The following ZCWPW2 variants were observed in gnomAD, a reference collection of about 807,000 sequenced individuals.
ZCWPW2 encodes zinc finger CW-type PWWP domain protein 2.
In ZCWPW2, 45 loss-of-function variants were observed where a neutral mutation model predicts 46.6. The observed-to-expected ratio is 0.96, with a 90% CI of 0.76 to 1.24. The LOEUF (loss-of-function observed/expected upper bound fraction) is 1.24. Ranked by LOEUF, ZCWPW2 falls within the 50% of genes most tolerant of loss-of-function variation. ZCWPW2 has a pLI of 0.00. For synonymous variants in ZCWPW2, 152 were observed against 137.1 expected, an observed-to-expected ratio of 1.11 and a Z score of -0.76; for missense variants, 429 against 403.9, an observed-to-expected ratio of 1.06 and a Z score of -0.53.
At chr3:28,385,538 T>C (rs10510610) in intron 1 of ZCWPW2, among the ~76,000 whole-genome samples, 35,083 of 152,088 alleles carry the variant, frequency 0.23, 4,305 homozygotes, top group Admixed American at 0.29. Flanking sequence ...AGCTTTAAGA[T>C]AGTGCAAGAT....
chr3:28,459,978 T>C (rs776862477), intron 4 of ZCWPW2, among the ~76,000 whole-genome samples: 33 of 152,194 alleles, frequency 2.2e-4, no homozygotes, highest in Non-Finnish European at 3.4e-4. Context: ...GTGATTTTTC[T>C]GATTGGTTCA....
chr3:28,402,380 A>C (rs950559042), intron 2 of ZCWPW2, among the ~76,000 whole-genome samples: 14 of 152,204 alleles, frequency 9.2e-5, no homozygotes, highest in African/African-American at 3.4e-4. Flanking sequence ...AATCAGGAAG[A>C]ATTAGATACC....
chr3:28,392,950 GA>G (rs202070830), intron 2 of ZCWPW2, among the ~76,000 whole-genome samples: 4 of 148,320 alleles, frequency 2.7e-5, no homozygotes, highest in East Asian at 2.0e-4. Context: ...GATTAGTGCA[GA>G]AAAAAAAATA....
At chr3:28,478,370 A>G (rs764203875) in intron 4 of ZCWPW2, 4 of 259,506 alleles carry the variant, frequency 1.5e-5, no homozygotes, top group South Asian at 1.4e-4. Flanking sequence ...CAGCCTCCCA[A>G]GTAGCTGGGA....
intron 6 of ZCWPW2, among the ~76,000 whole-genome samples, chr3:28,503,983 C>T (rs1020411691): frequency 2.0e-5 from 3 of 152,018 alleles, no homozygotes; most frequent in Admixed American, 2.0e-4. Context: ...ATCGCTTGAG[C>T]CCCGGAGTTC....
chr3:28,432,332 G>A (rs1463923010), intron 3 of ZCWPW2, among the ~76,000 whole-genome samples: 1 of 152,176 alleles, frequency 6.6e-6, no homozygotes, highest in African/African-American at 2.4e-5. Flanking sequence ...GAAAGGTAGA[G>A]GGGTACAGGA....
chr3:28,523,747 G>A (rs1700783043), intron 9 of ZCWPW2, among the ~76,000 whole-genome samples: 1 of 152,080 alleles, frequency 6.6e-6, no homozygotes, highest in African/African-American at 2.4e-5. Context: ...TCATTGAAAT[G>A]TTTTATGAAA....
chr3:28,401,740 C>T (rs1695945912), intron 2 of ZCWPW2, among the ~76,000 whole-genome samples: 1 of 152,010 alleles, frequency 6.6e-6, no homozygotes, highest in African/African-American at 2.4e-5. Context: ...TCTTTCAGAC[C>T]ACAGTATAAG....
intron 3 of ZCWPW2, among the ~76,000 whole-genome samples, chr3:28,420,384 A>G (rs1271874076): frequency 1.3e-5 from 2 of 151,536 alleles, no homozygotes; most frequent in Non-Finnish European, 2.9e-5. Context: ...TTCTGCCTTC[A>G]TTTCATTATG....
chr3:28,354,314 G>A (rs964326370), intron 1 of ZCWPW2, among the ~76,000 whole-genome samples: 23 of 149,498 alleles, frequency 1.5e-4, no homozygotes, highest in African/African-American at 5.1e-4. Context: ...GGAAGAAGTT[G>A]AATCCCTGAA....
intron 1 of ZCWPW2, among the ~76,000 whole-genome samples, chr3:28,383,826 A>G (rs1695180540): frequency 6.6e-6 from 1 of 152,170 alleles, no homozygotes; most frequent in Non-Finnish European, 1.5e-5. Context: ...TTTTATAATG[A>G]ATGAAGAACA....
intron 5 of ZCWPW2, among the ~76,000 whole-genome samples, chr3:28,485,435 G>C (rs1446512607): frequency 6.6e-6 from 1 of 152,144 alleles, no homozygotes; most frequent in Non-Finnish European, 1.5e-5. Flanking sequence ...TGGTGCTTTT[G>C]AGTGCAACTG....
At chr3:28,489,860 A>G (rs768388337) in intron 5 of ZCWPW2, among the ~76,000 whole-genome samples, 1 of 152,148 alleles carries the variant, frequency 6.6e-6, no homozygotes, top group Non-Finnish European at 1.5e-5. Flanking sequence ...TAATTAAATG[A>G]AAGAGCTTTT....
At chr3:28,393,626 T>C (rs572039840) in intron 2 of ZCWPW2, among the ~76,000 whole-genome samples, 1 of 152,302 alleles carries the variant, frequency 6.6e-6, no homozygotes, top group South Asian at 2.1e-4. Flanking sequence ...GATGCAAAGA[T>C]GGTTCAACAT....
intron 3 of ZCWPW2, among the ~76,000 whole-genome samples, chr3:28,432,346 G>A (rs1192646667): frequency 6.6e-6 from 1 of 152,164 alleles, no homozygotes; most frequent in Non-Finnish European, 1.5e-5. Context: ...TACAGGATTT[G>A]GGATTATGCA....
rs752882027 is a variant in ZCWPW2, at chr3:28,524,658, A to G, written c.1041A>G (p.Lys347=). 1 of 1,568,458 alleles carries G rather than the reference A, an allele frequency of 6.4e-7. No individual in the cohort carries two copies. The highest frequency in any genetic ancestry group is 8.6e-7 in the Non-Finnish European group (1 of 1,157,350). ...ECIEDITNKF[K]EIDALMSEF is the part of the protein sequence containing the mutation. ...TTGAGGATATAACTAATAAATTTAAAGAAATAGATGCTTTGATGTCTGAGT... is the reference window on the plus strand; with the variant it reads ...TTGAGGATATAACTAATAAATTTAAGGAAATAGATGCTTTGATGTCTGAGT... The change falls in exon 10 of 10, where the codon AAA becomes AAG. Residue 347 remains lysine (K), a synonymous_variant. Coordinates refer to ENST00000383768, the MANE Select transcript of ZCWPW2 (RefSeq NM_001040432.4).
intron 3 of ZCWPW2, among the ~76,000 whole-genome samples, chr3:28,431,363 C>T (rs908002583): frequency 6.6e-6 from 1 of 152,040 alleles, no homozygotes; most frequent in Admixed American, 6.6e-5. Flanking sequence ...GTTCTGGAGG[C>T]TAGAAATCCT....
intron 1 of ZCWPW2, among the ~76,000 whole-genome samples, chr3:28,371,168 T>C (rs1370415800): frequency 1.3e-5 from 2 of 152,214 alleles, no homozygotes; most frequent in East Asian, 3.8e-4. Flanking sequence ...TCATGTAAAA[T>C]ATTCTACCTA....
intron 4 of ZCWPW2, among the ~76,000 whole-genome samples, chr3:28,468,751 A>AT (rs1244318883): frequency 6.6e-6 from 1 of 152,136 alleles, no homozygotes; most frequent in Non-Finnish European, 1.5e-5. Context: ...AGAAATAAAG[A>AT]TTTTCCCAGA....
Sources: allele counts gnomAD v4.1 joint callset (sites outside exome capture counted in the v4.1 genomes callset), GRCh38; gene constraint gnomAD v4.1.1; transcripts MANE v1.5; gene names NCBI Gene and HGNC (gene_info 2026-07-23, HGNC 2026-07-21).